CCDC18: variants seen among roughly 807,000 people sequenced by gnomAD.
CCDC18 encodes the protein coiled-coil domain containing 18.
In CCDC18, 157 loss-of-function variants were observed where a neutral mutation model predicts 196.0. The ratio of observed to expected loss-of-function variants is 0.80; its 90% CI spans 0.70 to 0.91. The LOEUF (loss-of-function observed/expected upper bound fraction) is 0.91, where lower values mean the gene tolerates loss of function less well. Ranked by LOEUF, CCDC18 falls within the 40% of genes least tolerant of loss-of-function variation. The probability of loss-of-function intolerance (pLI) is 0.00; values close to 1 mark genes in which losing one functional copy is unlikely to be tolerated. For missense variants in CCDC18, 1,465 were observed against 1,611.6 expected (o/e 0.91, Z 1.56); for synonymous variants, 482 against 529.2 (o/e 0.91, Z 1.22).
Position 93,186,329 on chromosome 1 carries a change from T to C in CCDC18, c.304-16T>C. ...GAAATAATTGAAAATATATTTGTTC[T>C]TTTTCATTCTTTCAGATGTTTTCAT... On this transcript the variant is annotated splice_polypyrimidine_tract_variant and intron_variant, in intron 3 of 28. Transcript: ENST00000690025. 1 of 1,602,852 alleles carries C rather than the reference T, an allele frequency of 6.2e-7. No individual in the cohort carries two copies. Among genetic ancestry groups the C allele is most frequent in the Non-Finnish European group, 8.5e-7 (1 of 1,174,140 alleles).
chr1:93,220,101 C>T (rs1014159310), intron 14 of CCDC18, among the ~76,000 whole-genome samples: 4 of 152,130 alleles, frequency 2.6e-5, no homozygotes, highest in African/African-American at 9.6e-5. Context: ...ACATCAAAAT[C>T]CTTGCCAAAA....
chr1:93,195,104 C>T (rs907169798), intron 6 of CCDC18, among the ~76,000 whole-genome samples: 1 of 152,278 alleles, frequency 6.6e-6, no homozygotes, highest in Middle Eastern at 3.4e-3. Flanking sequence ...CTCCTGACCT[C>T]AAGTGATCCA....
In CCDC18 at chr1:93,207,243, G is replaced by A. The variant is rs966780245; in HGVS notation, c.1054G>A (p.Glu352Lys). 10 of 1,613,430 alleles carry A rather than the reference G, an allele frequency of 6.2e-6. No individual in the cohort carries two copies. Among genetic ancestry groups the A allele is most frequent in the African/African-American group, 5.3e-5 (4 of 74,880 alleles). ...KLESELENKD[E>K]ILRDKFSLMN... ...AGAGAGTGAGTTAGAGAACAAAGACGAAATACTTAGAGACAAATTTTCTTT... is the reference window on the plus strand; with the variant it reads ...AGAGAGTGAGTTAGAGAACAAAGACAAAATACTTAGAGACAAATTTTCTTT... Residue 352 changes from glutamate to lysine, a missense_variant, in exon 9 of 29, where the codon GAA becomes AAA. Coordinates refer to ENST00000690025, the MANE Select transcript of CCDC18 (RefSeq NM_001378204.1).
intron 23 of CCDC18, among the ~76,000 whole-genome samples, chr1:93,249,881 C>T (rs1245614927): frequency 6.6e-6 from 1 of 152,052 alleles, no homozygotes; most frequent in Non-Finnish European, 1.5e-5. Context: ...CCTCTTGGTA[C>T]TGCATTCACA....
intron 16 of CCDC18, among the ~76,000 whole-genome samples, chr1:93,225,833 A>C (rs997341094): frequency 6.6e-6 from 1 of 152,018 alleles, no homozygotes; most frequent in African/African-American, 2.4e-5. Context: ...GTTTGTACTC[A>C]CTTTCCTATT....
intron 25 of CCDC18, among the ~76,000 whole-genome samples, chr1:93,257,031 G>T (rs974503631): frequency 2.0e-5 from 3 of 151,834 alleles, no homozygotes; most frequent in African/African-American, 7.3e-5. Flanking sequence ...TTTGAGACCA[G>T]CCTGGCCAAT....
intron 24 of CCDC18, among the ~76,000 whole-genome samples, chr1:93,254,960 T>C (rs1442650039): frequency 7.6e-6 from 1 of 131,822 alleles, no homozygotes; most frequent in Non-Finnish European, 1.6e-5. Flanking sequence ...TTTTTTTTTT[T>C]TTTTTTTTTT....
In CCDC18 at chr1:93,270,667, C is replaced by T. The variant is rs1665160671; in HGVS notation, c.4206C>T (p.Asp1402=). ...AGAATCTGACTTACACCCAGCCAGA[C>T]TCATTTAAACCTCTCACATATAACC... The part of the protein sequence containing the change: ...SHKNLTYTQP[D]SFKPLTYNLE... The change falls in exon 28 of 29, where the codon GAC becomes GAT. Residue 1402 remains aspartate (D), a synonymous_variant. Transcript: ENST00000690025. 3.9e-6 allele frequency: 6 copies of T among 1,550,252 alleles called. No homozygotes were observed. In the South Asian group the frequency reaches 4.8e-5, roughly 12 times the overall value.
At chr1:93,242,604 T>A (rs1197883222) in intron 21 of CCDC18, among the ~76,000 whole-genome samples, 1 of 152,234 alleles carries the variant, frequency 6.6e-6, no homozygotes, top group Admixed American at 6.5e-5. Context: ...TTAATTCATT[T>A]GAGCAGTAAC....
chr1:93,187,433 G>A (rs1650906169), intron 4 of CCDC18, among the ~76,000 whole-genome samples: 1 of 152,064 alleles, frequency 6.6e-6, no homozygotes, highest in Non-Finnish European at 1.5e-5. Flanking sequence ...AAGTGTGCAT[G>A]TGTCTGTGTG....
chr1:93,202,798 G>C (rs1261230399), intron 7 of CCDC18, among the ~76,000 whole-genome samples: 4 of 152,150 alleles, frequency 2.6e-5, no homozygotes, highest in Non-Finnish European at 5.9e-5. Context: ...AGAGCTCACT[G>C]TCTAGTAAGA....
chr1:93,268,602 A>G (rs897935317), intron 27 of CCDC18, among the ~76,000 whole-genome samples: 1 of 152,084 alleles, frequency 6.6e-6, no homozygotes, highest in South Asian at 2.1e-4. Context: ...AACCCCATCA[A>G]AAAGTGGGAG....
At chr1:93,192,149 T>C (rs1002172458) in intron 5 of CCDC18, 43 bp downstream of exon 5, 2 of 1,255,800 alleles carry the variant, frequency 1.6e-6, no homozygotes, top group African/African-American at 3.0e-5. Flanking sequence ...ATTTTCTACT[T>C]ATACATTTTA....
rs1004656026 is a variant in CCDC18 at position 93,273,230 on chromosome 1, G to A, written c.4353+2416G>A. On this transcript the variant is annotated intron_variant, in intron 28 of 28. Transcript: ENST00000690025. Reference sequence around the variant, plus strand: ...ACTACAGGCGCCCGCCACCACGCCCGGCTAATTTTTTGTATTTTTAGTAGA... The same window carrying A: ...ACTACAGGCGCCCGCCACCACGCCCAGCTAATTTTTTGTATTTTTAGTAGA... 7.9e-5 allele frequency among the ~76,000 whole-genome samples: 12 copies of A among 152,094 alleles called. No individual in the cohort carries two copies. The East Asian group carries it at 1.7e-3, about 22-fold the overall frequency.
chr1:93,218,201 AAAG>A (rs1411539425), intron 14 of CCDC18, among the ~76,000 whole-genome samples: 3 of 152,198 alleles, frequency 2.0e-5, no homozygotes, highest in Admixed American at 1.3e-4. Context: ...TAAAAGTAGA[AAAG>A]AAAATTTGAG....
chr1:93,208,917 G>T (rs1655164400), intron 9 of CCDC18, among the ~76,000 whole-genome samples: 1 of 151,542 alleles, frequency 6.6e-6, no homozygotes, highest in Non-Finnish European at 1.5e-5. Flanking sequence ...CCCTGCCTTG[G>T]CCTCCCAAAC....
Position 93,239,880 on chromosome 1 carries a change from C to T in CCDC18, c.2965C>T (p.Leu989Phe). The T allele has an allele frequency of 3.1e-6, 5 of 1,602,362 alleles. No homozygotes were observed. Among genetic ancestry groups the T allele is most frequent in the Non-Finnish European group, 4.3e-6 (5 of 1,171,162 alleles). ...GGAAAAATACACTACTATAAAGGAT[C>T]TCACAGCTGAACTTAGGTGAGTTAA... ...LEEKYTTIKD[L>F]TAELRECKME... is the part of the protein sequence containing the mutation. The change falls in exon 21 of 29, where the codon CTC (leucine) becomes TTC (phenylalanine). Residue 989 changes from leucine (L) to phenylalanine (F), a missense_variant. Leu to Phe is a conservative substitution (Grantham distance 22). Coordinates refer to ENST00000690025, the MANE Select transcript of CCDC18 (RefSeq NM_001378204.1).
chr1:93,192,458 G>T (rs1206395792), intron 5 of CCDC18, among the ~76,000 whole-genome samples: 1 of 152,120 alleles, frequency 6.6e-6, no homozygotes, highest in African/African-American at 2.4e-5. Context: ...TTACAGAAAG[G>T]GTCTCACTGC....
intron 8 of CCDC18, among the ~76,000 whole-genome samples, chr1:93,206,681 G>C (rs1420069895): frequency 6.6e-6 from 1 of 152,068 alleles, no homozygotes; most frequent in African/African-American, 2.4e-5. Flanking sequence ...TCTTAAGCTG[G>C]TTGTACAATT....
Sources: gnomAD v4.1 joint callset for allele counts (sites outside exome capture counted in the v4.1 genomes callset) on GRCh38, gnomAD v4.1.1 for gene constraint, MANE v1.5 for transcripts, NCBI Gene and HGNC (gene_info 2026-07-23, HGNC 2026-07-21) for gene names.